Variants in CSRNP3 observed in about 807,000 individuals in gnomAD.
CSRNP3 encodes cysteine and serine rich nuclear protein 3.
A neutral mutation model predicts 48.0 loss-of-function variants in CSRNP3; 12 were observed. The ratio of observed to expected loss-of-function variants is 0.25; its 90% CI spans 0.16 to 0.41. The LOEUF (loss-of-function observed/expected upper bound fraction) is 0.41, where lower values mean the gene tolerates loss of function less well. Among genes scored for constraint, CSRNP3 ranks in the 10% least tolerant of loss-of-function variants. The pLI is 1.00. For synonymous variants in CSRNP3, 263 were observed against 269.7 expected, an observed-to-expected ratio of 0.98 and a Z score of 0.24; for missense variants, 580 against 724.4, an observed-to-expected ratio of 0.80 and a Z score of 2.29.
At chr2:165,572,126 T>C (rs1278580380) in intron 3 of CSRNP3, among the ~76,000 whole-genome samples, 1 of 152,136 alleles carries the variant, frequency 6.6e-6, no homozygotes, top group African/African-American at 2.4e-5. Flanking sequence ...TTAACTTCTT[T>C]TGGAGCTTGC....
chr2:165,647,208 G>C (rs1189242036), intron 4 of CSRNP3, among the ~76,000 whole-genome samples: 1 of 152,100 alleles, frequency 6.6e-6, no homozygotes, highest in Non-Finnish European at 1.5e-5. Context: ...AATATTAATG[G>C]AGGAACTAAG....
In CSRNP3 at chr2:165,679,129, G is replaced by A. The variant is rs563363086; in HGVS notation, c.1134G>A (p.Glu378=). Residue 378 remains glutamate, a synonymous_variant, in exon 7 of 7, where the codon GAG becomes GAA. Transcript: ENST00000651982. The part of the protein sequence containing the change: ...ESDEEEEEEE[E]EEEEEDDDDD... Reference sequence around the variant, plus strand: ...ACGAGGAGGAGGAGGAAGAAGAAGAGGAAGAGGAGGAGGAGGATGACGATG... The same window carrying A: ...ACGAGGAGGAGGAGGAAGAAGAAGAAGAAGAGGAGGAGGAGGATGACGATG... 1.2e-4 allele frequency: 199 copies of A among 1,613,642 alleles called. No homozygotes were observed. The highest frequency in any genetic ancestry group is 1.6e-4 in the Non-Finnish European group (192 of 1,179,928).
intron 3 of CSRNP3, among the ~76,000 whole-genome samples, chr2:165,579,485 T>C (rs1403944143): frequency 6.6e-6 from 1 of 152,220 alleles, no homozygotes. Context: ...ATTCTGACTT[T>C]ATGCAATTAA....
At chr2:165,664,890 C>T (rs1383644513) in intron 5 of CSRNP3, among the ~76,000 whole-genome samples, 5 of 151,992 alleles carry the variant, frequency 3.3e-5, no homozygotes, top group African/African-American at 4.8e-5. Flanking sequence ...AACAAGCAAA[C>T]AAAACTCAGA....
chr2:165,606,448 T>C (rs1211778672), intron 4 of CSRNP3, among the ~76,000 whole-genome samples: 1 of 150,652 alleles, frequency 6.6e-6, no homozygotes, highest in Non-Finnish European at 1.5e-5. Context: ...TGAACAGCTG[T>C]GTAACTCTAT....
chr2:165,501,571 T>C (rs1684359833), intron 2 of CSRNP3, among the ~76,000 whole-genome samples: 1 of 152,192 alleles, frequency 6.6e-6, no homozygotes, highest in South Asian at 2.1e-4. Flanking sequence ...GCGAGTGTTA[T>C]TGAGCAGTTT....
At chr2:165,647,745 T>A (rs1686837492) in intron 4 of CSRNP3, among the ~76,000 whole-genome samples, 1 of 152,198 alleles carries the variant, frequency 6.6e-6, no homozygotes, top group Non-Finnish European at 1.5e-5. Flanking sequence ...CAGTATTCAG[T>A]AAATTACATA....
intron 3 of CSRNP3, among the ~76,000 whole-genome samples, chr2:165,551,632 G>A (rs1685097202): frequency 6.6e-6 from 1 of 152,190 alleles, no homozygotes; most frequent in Non-Finnish European, 1.5e-5. Context: ...GGAGAACAAA[G>A]TTGTATTCCC....
At chr2:165,674,048 T>G (rs977758794) in intron 5 of CSRNP3, among the ~76,000 whole-genome samples, 1 of 151,810 alleles carries the variant, frequency 6.6e-6, no homozygotes, top group African/African-American at 2.4e-5. Context: ...TAAAATAAAA[T>G]AAAAATAAAT....
intron 3 of CSRNP3, among the ~76,000 whole-genome samples, chr2:165,562,462 C>A (rs1347163902): frequency 6.6e-6 from 1 of 152,134 alleles, no homozygotes; most frequent in Admixed American, 6.6e-5. Context: ...ATTCTCATAA[C>A]CCTGTTGTTG....
intron 1 of CSRNP3, among the ~76,000 whole-genome samples, chr2:165,481,003 T>A (rs1378397497): frequency 2.0e-5 from 3 of 150,708 alleles, no homozygotes; most frequent in African/African-American, 7.3e-5. Flanking sequence ...TGAAAAAAAA[T>A]TAAATAAAAA....
intron 5 of CSRNP3, among the ~76,000 whole-genome samples, chr2:165,659,376 C>A (rs1421405048): frequency 1.3e-5 from 2 of 152,116 alleles, no homozygotes; most frequent in Admixed American, 6.5e-5. Flanking sequence ...TCAGGAATGA[C>A]CCCTAAATTT....
chr2:165,527,125 G>T (rs1684742138), intron 3 of CSRNP3, among the ~76,000 whole-genome samples: 1 of 151,626 alleles, frequency 6.6e-6, no homozygotes, highest in East Asian at 1.9e-4. Flanking sequence ...TATGATTAGG[G>T]AGCTATCTGA....
chr2:165,482,899 A>G (rs1025769938), intron 1 of CSRNP3, among the ~76,000 whole-genome samples: 2 of 152,062 alleles, frequency 1.3e-5, no homozygotes, highest in Admixed American at 6.6e-5. Flanking sequence ...CCTTCAAGAA[A>G]CTGTCCCCAT....
intron 3 of CSRNP3, among the ~76,000 whole-genome samples, chr2:165,590,529 G>T (rs1173811294): frequency 2.0e-5 from 3 of 152,226 alleles, no homozygotes; most frequent in South Asian, 2.1e-4. Flanking sequence ...ATATGGTTTG[G>T]CTGTGTTCCC....
rs1687509295 is a variant in CSRNP3 at position 165,680,119 on chromosome 2, AT to A, written c.*369del. The A allele has an allele frequency of 5.5e-6, 1 of 182,798 alleles. No individual in the cohort carries two copies. The highest frequency in any genetic ancestry group is 1.8e-4 in the South Asian group (1 of 5,434). The allele number at this position is 182,798 out of a possible 1,614,324, so 11.3% of individuals were successfully genotyped here. ...TTAACTAAGGCTGGGAAATAATAAGATTTAGAGTCCTAATTTTCAATATATC... is the reference window on the plus strand; with the variant it reads ...TTAACTAAGGCTGGGAAATAATAAGATTAGAGTCCTAATTTTCAATATATC... On this transcript the variant is annotated 3_prime_UTR_variant, in exon 7 of 7. Coordinates refer to ENST00000651982, the MANE Select transcript of CSRNP3 (RefSeq NM_001172173.2).
At chr2:165,646,831 C>A (rs185757584) in intron 4 of CSRNP3, among the ~76,000 whole-genome samples, 1 of 152,112 alleles carries the variant, frequency 6.6e-6, no homozygotes, top group East Asian at 1.9e-4. Context: ...GTAACAACTA[C>A]CTTTTTTTCC....
intron 4 of CSRNP3, among the ~76,000 whole-genome samples, chr2:165,641,074 CT>C (rs1304064586): frequency 1.3e-5 from 2 of 152,200 alleles, no homozygotes; most frequent in African/African-American, 4.8e-5. Flanking sequence ...GGTTTCCAAA[CT>C]TGTGGTCACA....
intron 3 of CSRNP3, among the ~76,000 whole-genome samples, chr2:165,531,796 A>G (rs1684814643): frequency 1.3e-5 from 2 of 152,188 alleles, no homozygotes; most frequent in Admixed American, 1.3e-4. Context: ...GATCAACAAA[A>G]TTGATACACC....
Sources: gnomAD v4.1 joint callset for allele counts (sites outside exome capture counted in the v4.1 genomes callset) on GRCh38, gnomAD v4.1.1 for gene constraint, MANE v1.5 for transcripts, NCBI Gene and HGNC (gene_info 2026-07-23, HGNC 2026-07-21) for gene names.